Variants in SAMTOR observed in about 807,000 individuals in gnomAD.
SAMTOR encodes S-adenosylmethionine sensor upstream of mTORC1.
chr7:112,905,213 A>C, the SAMTOR span, among the ~76,000 whole-genome samples: 1 of 152,284 alleles, frequency 6.6e-6, no homozygotes, highest in East Asian at 1.9e-4. Flanking sequence ...GATTTCCTTT[A>C]GCTCCTGCTT....
chr7:112,854,560 G>A, the SAMTOR span, among the ~76,000 whole-genome samples: 1 of 152,270 alleles, frequency 6.6e-6, no homozygotes, highest in African/African-American at 2.4e-5. Context: ...AAATAGTCTT[G>A]CAAGAAGCTC....
At chr7:112,903,146 T>C in the SAMTOR span, among the ~76,000 whole-genome samples, 3 of 151,986 alleles carry the variant, frequency 2.0e-5, no homozygotes, top group Non-Finnish European at 4.4e-5. Context: ...AAACCCCGCC[T>C]CTTCTAAAAT....
chr7:112,936,818 C>G, the SAMTOR span, among the ~76,000 whole-genome samples: 1 of 152,128 alleles, frequency 6.6e-6, no homozygotes, highest in Non-Finnish European at 1.5e-5. Context: ...CTAATCATAC[C>G]TATCCTATGG....
At chr7:112,824,243 G>C in the SAMTOR span, among the ~76,000 whole-genome samples, 3 of 152,234 alleles carry the variant, frequency 2.0e-5, no homozygotes, top group Non-Finnish European at 2.9e-5. Flanking sequence ...GGTCTAAAAA[G>C]TCTTTTCCTA....
the SAMTOR span, among the ~76,000 whole-genome samples, chr7:112,850,292 G>A: frequency 6.6e-6 from 1 of 152,138 alleles, no homozygotes; most frequent in Non-Finnish European, 1.5e-5. Context: ...ACATGTGTTG[G>A]ATTTGGTGTG....
At chr7:112,897,724 T>G in the SAMTOR span, among the ~76,000 whole-genome samples, 1 of 151,950 alleles carries the variant, frequency 6.6e-6, no homozygotes, top group African/African-American at 2.4e-5. Flanking sequence ...AAGTACAGAG[T>G]CAGATGACGA....
the SAMTOR span, among the ~76,000 whole-genome samples, chr7:112,843,360 TA>T: frequency 1.3e-4 from 20 of 152,098 alleles, no homozygotes; most frequent in Non-Finnish European, 2.6e-4. Flanking sequence ...GATTCAGCAA[TA>T]TAATGACTAC....
At chr7:112,867,217 A>G in the SAMTOR span, among the ~76,000 whole-genome samples, 1 of 152,254 alleles carries the variant, frequency 6.6e-6, no homozygotes, top group Non-Finnish European at 1.5e-5. Flanking sequence ...CAATTGAGAC[A>G]AAGATAAAAT....
chr7:112,907,282 G>A, the SAMTOR span, among the ~76,000 whole-genome samples: 1 of 151,832 alleles, frequency 6.6e-6, no homozygotes, highest in African/African-American at 2.4e-5. Context: ...GGATAACTTT[G>A]GTAGAAAAAA....
chr7:112,925,050 G>A, the SAMTOR span, among the ~76,000 whole-genome samples: 39 of 152,256 alleles, frequency 2.6e-4, no homozygotes, highest in East Asian at 6.8e-3. Flanking sequence ...TTGAGGGCCT[G>A]CCTGCTGTAT....
At chr7:112,875,588 AT>A in the SAMTOR span, among the ~76,000 whole-genome samples, 46 of 152,248 alleles carry the variant, frequency 3.0e-4, 3 homozygotes, top group East Asian at 7.0e-3. Context: ...ACTGATCTGA[AT>A]TTCCCTCAAG....
the SAMTOR span, among the ~76,000 whole-genome samples, chr7:112,850,678 A>G: frequency 1.3e-4 from 20 of 152,296 alleles, no homozygotes; most frequent in Non-Finnish European, 2.5e-4. Flanking sequence ...TAGGGTTTCT[A>G]GTCTGTGCAT....
the SAMTOR span, among the ~76,000 whole-genome samples, chr7:112,867,626 T>C: frequency 6.6e-6 from 1 of 152,326 alleles, no homozygotes; most frequent in South Asian, 2.1e-4. Context: ...ATTTTGCATG[T>C]GTCAAAACTT....
At chr7:112,889,528 G>A in the SAMTOR span, among the ~76,000 whole-genome samples, 10 of 152,172 alleles carry the variant, frequency 6.6e-5, no homozygotes, top group Non-Finnish European at 1.2e-4. Context: ...AATGGGGACT[G>A]ATGCTATATT....
the SAMTOR span, among the ~76,000 whole-genome samples, chr7:112,919,306 A>G: frequency 7.9e-5 from 12 of 152,114 alleles, no homozygotes; most frequent in African/African-American, 2.4e-4. Flanking sequence ...ACTCAAAACC[A>G]CTCAACTACA....
chr7:112,901,614 G>A, the SAMTOR span, among the ~76,000 whole-genome samples: 25 of 152,302 alleles, frequency 1.6e-4, no homozygotes, highest in African/African-American at 5.8e-4. Context: ...TGGAAAAATT[G>A]TCTTCCACAA....
chr7:112,910,420 AT>A, the SAMTOR span, among the ~76,000 whole-genome samples: 3 of 152,188 alleles, frequency 2.0e-5, no homozygotes, highest in Non-Finnish European at 4.4e-5. Context: ...ATGTCAAGAA[AT>A]AATACAATTT....
chr7:112,899,488 T>C, the SAMTOR span, among the ~76,000 whole-genome samples: 1 of 152,186 alleles, frequency 6.6e-6, no homozygotes, highest in African/African-American at 2.4e-5. Flanking sequence ...AAAGAGGAAG[T>C]ACAGAGACTG....
At chr7:112,927,242 T>C in the SAMTOR span, among the ~76,000 whole-genome samples, 1 of 152,004 alleles carries the variant, frequency 6.6e-6, no homozygotes, top group Non-Finnish European at 1.5e-5. Context: ...ATACAAACAA[T>C]ATATTAAAAC....
Sources: gnomAD v4.1 joint callset for allele counts (sites outside exome capture counted in the v4.1 genomes callset) on GRCh38, gnomAD v4.1.1 for gene constraint, MANE v1.5 for transcripts, NCBI Gene and HGNC (gene_info 2026-07-23, HGNC 2026-07-21) for gene names.